Variants in RANBP17 observed in about 807,000 individuals in gnomAD.
RANBP17 encodes the protein RAN binding protein 17, also known as ran-binding protein 17.
RANBP17 carries 158 observed loss-of-function variants against 141.2 expected under a neutral mutation model. The observed-to-expected ratio is 1.12, with a 90% CI of 0.98 to 1.28. The LOEUF is 1.28. Ranked by LOEUF, RANBP17 falls within the 50% of genes most tolerant of loss-of-function variation. RANBP17 has a pLI of 0.00. For synonymous variants in RANBP17, 430 were observed against 450.0 expected (o/e 0.96, Z 0.56); for missense variants, 1,438 against 1,290.7 (o/e 1.11, Z -1.75).
At chr5:170,870,441 C>T (rs1247701490) in intron 1 of RANBP17, among the ~76,000 whole-genome samples, 4 of 151,850 alleles carry the variant, frequency 2.6e-5, no homozygotes, top group Non-Finnish European at 4.4e-5. Flanking sequence ...CATTGTTTGG[C>T]TTCCACTTAT....
intron 12 of RANBP17, among the ~76,000 whole-genome samples, chr5:170,930,330 A>G (rs1317418667): frequency 4.0e-5 from 6 of 150,236 alleles, no homozygotes; most frequent in Non-Finnish European, 7.4e-5. Context: ...AGTTGTTTAA[A>G]CATTACTTTA....
chr5:170,881,194 A>G (rs569506755), intron 2 of RANBP17, among the ~76,000 whole-genome samples: 287 of 152,372 alleles, frequency 1.9e-3, no homozygotes, highest in Non-Finnish European at 2.9e-3. Flanking sequence ...GATTTGGTCA[A>G]GGGCCATAGT....
chr5:171,185,308 G>A (rs1761160975), intron 18 of RANBP17, among the ~76,000 whole-genome samples: 1 of 152,212 alleles, frequency 6.6e-6, no homozygotes, highest in Non-Finnish European at 1.5e-5. Context: ...AGTTGCCAAA[G>A]GTTGAGGTGG....
chr5:170,890,895 G>T (rs1275530329), intron 3 of RANBP17, among the ~76,000 whole-genome samples: 1 of 152,058 alleles, frequency 6.6e-6, no homozygotes, highest in African/African-American at 2.4e-5. Context: ...GGTGGGACGG[G>T]ATCTCACTCT....
intron 14 of RANBP17, among the ~76,000 whole-genome samples, chr5:171,125,792 ATTT>A (rs1214235593): frequency 6.9e-6 from 1 of 145,388 alleles, no homozygotes; most frequent in Non-Finnish European, 1.5e-5. Flanking sequence ...ATCTCAGTAA[ATTT>A]TTTTTTTTTT....
chr5:171,260,462 CA>C (rs531075409), intron 24 of RANBP17, among the ~76,000 whole-genome samples: 1,010 of 51,422 alleles, frequency 0.02, 9 homozygotes, highest in African/African-American at 0.059. Context: ...GACTCCGTCT[CA>C]AAAAAAAAAA....
intron 19 of RANBP17, among the ~76,000 whole-genome samples, chr5:171,203,609 G>A (rs1762420823): frequency 6.6e-6 from 1 of 151,826 alleles, no homozygotes; most frequent in Admixed American, 6.6e-5. Context: ...TAAAAAAAAA[G>A]CCAATAGATT....
intron 14 of RANBP17, chr5:171,158,572 A>G (rs4867647): frequency 5.7e-6 from 1 of 174,396 alleles, no homozygotes; most frequent in South Asian, 2.0e-4. Context: ...ACACCTTAGT[A>G]CTGGTGGCTT....
chr5:171,248,810 C>G (rs1765382461), intron 24 of RANBP17, among the ~76,000 whole-genome samples: 1 of 152,164 alleles, frequency 6.6e-6, no homozygotes, highest in Non-Finnish European at 1.5e-5. Flanking sequence ...TGCACTCACC[C>G]AGCCTGCACC....
chr5:171,154,389 G>T (rs1464805637), intron 14 of RANBP17, among the ~76,000 whole-genome samples: 1 of 152,080 alleles, frequency 6.6e-6, no homozygotes, highest in African/African-American at 2.4e-5. Flanking sequence ...CCATTCTCCT[G>T]CGTCAGCCTC....
chr5:171,296,019 G>T lies in RANBP17; in HGVS notation c.3170+5G>T. ...GTCCGTCAAGAACAGAGACAGGTGAGCATTGCCCAGTAGTGTGTCACTGGG... is the reference window on the plus strand; with the variant it reads ...GTCCGTCAAGAACAGAGACAGGTGATCATTGCCCAGTAGTGTGTCACTGGG... On this transcript the variant is annotated splice_donor_5th_base_variant and intron_variant, in intron 27 of 27. Coordinates refer to ENST00000523189, the MANE Select transcript of RANBP17 (RefSeq NM_022897.5). The T allele has an allele frequency of 1.9e-6, 3 of 1,612,760 alleles. No individual in the cohort carries two copies. The highest frequency in any genetic ancestry group is 2.5e-6 in the Non-Finnish European group (3 of 1,179,190).
At chr5:171,087,535 T>G (rs1158238513) in intron 14 of RANBP17, among the ~76,000 whole-genome samples, 1 of 149,066 alleles carries the variant, frequency 6.7e-6, no homozygotes, top group African/African-American at 2.5e-5. Context: ...CTTTCTGTCT[T>G]GTTGATCTGT....
At chr5:171,181,030 T>G (rs1358793715) in intron 16 of RANBP17, among the ~76,000 whole-genome samples, 5 of 152,216 alleles carry the variant, frequency 3.3e-5, no homozygotes, top group African/African-American at 1.2e-4. Flanking sequence ...TTAAGATATT[T>G]CTAAGTTTAT....
chr5:171,073,132 A>G (rs2127696310), intron 14 of RANBP17, among the ~76,000 whole-genome samples: 1 of 152,254 alleles, frequency 6.6e-6, no homozygotes, highest in Middle Eastern at 3.4e-3. Context: ...GATTCTATCC[A>G]TTCATTTGTA....
At chr5:171,239,805 G>A (rs1177905774) in intron 22 of RANBP17, among the ~76,000 whole-genome samples, 1 of 152,144 alleles carries the variant, frequency 6.6e-6, no homozygotes, top group African/African-American at 2.4e-5. Context: ...CAGCAGGGCT[G>A]GTAGTTCTAG....
intron 1 of RANBP17, among the ~76,000 whole-genome samples, chr5:170,867,320 A>G (rs889414833): frequency 6.6e-6 from 1 of 152,172 alleles, no homozygotes; most frequent in East Asian, 1.9e-4. Context: ...TCTCAGCTTT[A>G]GTTTTTTAAA....
chr5:171,063,983 C>T (rs1784114733), intron 14 of RANBP17, among the ~76,000 whole-genome samples: 1 of 152,234 alleles, frequency 6.6e-6, no homozygotes, highest in African/African-American at 2.4e-5. Context: ...GGGATATAAT[C>T]TCCTGGTGCA....
chr5:170,972,847 A>G (rs1045956532), intron 14 of RANBP17, among the ~76,000 whole-genome samples: 6 of 152,088 alleles, frequency 3.9e-5, no homozygotes, highest in African/African-American at 1.4e-4. Context: ...TATTGTCATT[A>G]TATGTGCTTT....
intron 12 of RANBP17, among the ~76,000 whole-genome samples, chr5:170,939,159 G>A (rs1474435877): frequency 6.6e-6 from 1 of 152,066 alleles, no homozygotes; most frequent in Non-Finnish European, 1.5e-5. Flanking sequence ...GGCTGTTATT[G>A]TATATCAGCA....
Sources: allele counts gnomAD v4.1 joint callset (sites outside exome capture counted in the v4.1 genomes callset), GRCh38; gene constraint gnomAD v4.1.1; transcripts MANE v1.5; gene names NCBI Gene and HGNC (gene_info 2026-07-23, HGNC 2026-07-21).